The following PRKCA variants were observed in gnomAD, a reference collection of about 807,000 sequenced individuals.
The protein encoded by PRKCA is protein kinase C alpha type.
PRKCA carries 27 observed loss-of-function variants against 87.0 expected under a neutral mutation model. The observed-to-expected ratio is 0.31, with a 90% CI of 0.23 to 0.43. The LOEUF (loss-of-function observed/expected upper bound fraction) is 0.43, where lower values mean the gene tolerates loss of function less well. Among genes scored for constraint, PRKCA ranks in the 20% least tolerant of loss-of-function variants. PRKCA has a pLI of 1.00. For missense variants in PRKCA, 518 were observed against 852.3 expected, an observed-to-expected ratio of 0.61 and a Z score of 4.88; for synonymous variants, 329 against 311.1, an observed-to-expected ratio of 1.06 and a Z score of -0.61.
At chr17:66,665,357 G>T (rs1450691644) in intron 5 of PRKCA, among the ~76,000 whole-genome samples, 1 of 152,160 alleles carries the variant, frequency 6.6e-6, no homozygotes, top group African/African-American at 2.4e-5. Context: ...GTTTCCATGA[G>T]AACATGACCA....
chr17:66,511,241 G>A (rs573275994), intron 3 of PRKCA, among the ~76,000 whole-genome samples: 9 of 152,080 alleles, frequency 5.9e-5, no homozygotes, highest in South Asian at 2.1e-4. Context: ...TTTCATACTC[G>A]AAAATGATCT....
At chr17:66,587,908 T>C (rs1349512613) in intron 3 of PRKCA, among the ~76,000 whole-genome samples, 2 of 51,790 alleles carry the variant, frequency 3.9e-5, no homozygotes, top group Non-Finnish European at 7.1e-5. Context: ...TATATATATA[T>C]ATATATATAT....
chr17:66,444,581 T>C (rs917763329), intron 2 of PRKCA, among the ~76,000 whole-genome samples: 3 of 152,146 alleles, frequency 2.0e-5, no homozygotes, highest in African/African-American at 2.4e-5. Flanking sequence ...TCCTGGAGTG[T>C]AAAATACTGC....
intron 3 of PRKCA, among the ~76,000 whole-genome samples, chr17:66,550,921 T>G (rs1419721092): frequency 1.3e-5 from 2 of 152,240 alleles, no homozygotes; most frequent in Admixed American, 6.5e-5. Context: ...AGCATAGCTC[T>G]TATTAAACGG....
chr17:66,308,338 AG>A (rs1466989618), intron 2 of PRKCA, among the ~76,000 whole-genome samples: 9 of 152,124 alleles, frequency 5.9e-5, no homozygotes, highest in African/African-American at 1.7e-4. Context: ...CCAATCTGGT[AG>A]GTGAAAAGGG....
At chr17:66,635,819 G>A (rs1220475556) in intron 3 of PRKCA, among the ~76,000 whole-genome samples, 2 of 152,164 alleles carry the variant, frequency 1.3e-5, no homozygotes, top group Non-Finnish European at 2.9e-5. Flanking sequence ...TGGTATTGTA[G>A]CATTGTCCTG....
chr17:66,758,182 T>G (rs1974601862), intron 13 of PRKCA, among the ~76,000 whole-genome samples: 1 of 152,222 alleles, frequency 6.6e-6, no homozygotes, highest in Non-Finnish European at 1.5e-5. Context: ...AGGCCGCATC[T>G]CTTTCAAGCT....
At chr17:66,459,255 C>A (rs1914726461) in intron 2 of PRKCA, among the ~76,000 whole-genome samples, 1 of 151,794 alleles carries the variant, frequency 6.6e-6, no homozygotes. Flanking sequence ...GTGGTACACA[C>A]CTGTAGTCCC....
chr17:66,544,988 A>G (rs1271747691), intron 3 of PRKCA, among the ~76,000 whole-genome samples: 1 of 152,262 alleles, frequency 6.6e-6, no homozygotes, highest in East Asian at 1.9e-4. Flanking sequence ...CGAAATGATA[A>G]GTAACTTACC....
intron 3 of PRKCA, among the ~76,000 whole-genome samples, chr17:66,611,113 G>A (rs759099767): frequency 2.6e-5 from 4 of 152,144 alleles, no homozygotes; most frequent in East Asian, 1.9e-4. Flanking sequence ...TCTGGGCCAC[G>A]AACTGGGGGA....
chr17:66,624,111 G>A (rs1449577832), intron 3 of PRKCA, among the ~76,000 whole-genome samples: 2 of 152,090 alleles, frequency 1.3e-5, no homozygotes, highest in East Asian at 3.9e-4. Context: ...TAGGCACTGG[G>A]GAGTGACTAG....
chr17:66,551,849 T>A (rs1258913360), intron 3 of PRKCA, among the ~76,000 whole-genome samples: 1 of 152,190 alleles, frequency 6.6e-6, no homozygotes, highest in African/African-American at 2.4e-5. Context: ...AATTCACATA[T>A]TACAAAATGC....
chr17:66,535,907 C>T (rs1967762649), intron 3 of PRKCA, among the ~76,000 whole-genome samples: 1 of 152,186 alleles, frequency 6.6e-6, no homozygotes. Flanking sequence ...AAAGTGAAAA[C>T]TTACATCAAA....
chr17:66,778,671 C>T (rs778165295), intron 14 of PRKCA, among the ~76,000 whole-genome samples: 6 of 151,806 alleles, frequency 4.0e-5, no homozygotes, highest in African/African-American at 9.7e-5. Flanking sequence ...GACAAAATCC[C>T]GTCTACAAAA....
Position 66,788,918 on chromosome 17 carries a change from G to A in PRKCA, c.1793G>A (p.Arg598Gln). The change falls in exon 16 of 17, where the codon CGG becomes CAG. Residue 598 changes from arginine to glutamine, a missense_variant. By Grantham distance (43) the Arg-to-Gln change is conservative. This residue lies in a region of PRKCA where 159 missense variants were observed against 232.4 expected (regional missense o/e 0.68). Coordinates refer to ENST00000413366, the MANE Select transcript of PRKCA (RefSeq NM_002737.3). ...ERDVREHAFF[R>Q]RIDWEKLENR... ...GACGTGAGAGAGCATGCCTTCTTCC[G>A]GAGGATCGACTGGGAAAAACTGGAG... 1.2e-6 allele frequency: 2 copies of A among 1,614,082 alleles called. No homozygotes were observed. The highest frequency in any genetic ancestry group is 1.7e-6 in the Non-Finnish European group (2 of 1,179,994).
At chr17:66,538,914 C>T (rs1449963698) in intron 3 of PRKCA, among the ~76,000 whole-genome samples, 2 of 152,196 alleles carry the variant, frequency 1.3e-5, no homozygotes, top group African/African-American at 2.4e-5. Flanking sequence ...TGACCACATG[C>T]TGTCTCCTGA....
chr17:66,318,126 A>G (rs1905421809), intron 2 of PRKCA, among the ~76,000 whole-genome samples: 1 of 152,232 alleles, frequency 6.6e-6, no homozygotes, highest in South Asian at 2.1e-4. Flanking sequence ...ACTTAATTTT[A>G]TCATGTGCCA....
chr17:66,803,965 C>G lies in PRKCA; in HGVS notation c.1947C>G (p.Asp649Glu), dbSNP rs767363000. 1 of 1,614,108 alleles carries G rather than the reference C, an allele frequency of 6.2e-7. No individual in the cohort carries two copies. Among genetic ancestry groups the G allele is most frequent in the South Asian group, 1.1e-5 (1 of 91,086 alleles). Residue 649 changes from aspartate (D) to glutamate (E), a missense_variant, in exon 17 of 17, where the codon GAC becomes GAG. Coordinates refer to ENST00000413366, the MANE Select transcript of PRKCA (RefSeq NM_002737.3). The surrounding 1 kb of genome is among the most constrained non-coding windows in gnomAD (Gnocchi z 4.4). ...ATCAGCTGGTTATTGCTAACATAGA[C>G]CAGTCTGATTTTGAAGGGTTCTCGT... is the stretch of plus-strand genomic sequence containing the variant. Reference protein sequence around the residue: ...PPDQLVIANIDQSDFEGFSYV... With the variant: ...PPDQLVIANIEQSDFEGFSYV...
chr17:66,428,434 G>A (rs1032818128), intron 2 of PRKCA, among the ~76,000 whole-genome samples: 17 of 151,722 alleles, frequency 1.1e-4, no homozygotes, highest in Admixed American at 3.3e-4. Context: ...GAATTCAAGG[G>A]AAACTGCACA....
Sources: gnomAD v4.1 joint callset for allele counts (sites outside exome capture counted in the v4.1 genomes callset) on GRCh38, gnomAD v4.1.1 for gene constraint, gnomAD v4.1.1 regional missense constraint, Gnocchi (gnomAD v3.1) non-coding constraint, MANE v1.5 for transcripts, NCBI Gene and HGNC (gene_info 2026-07-23, HGNC 2026-07-21) for gene names.